The following SELENOF variants were observed in gnomAD, a reference collection of about 807,000 sequenced individuals.
The protein encoded by SELENOF is selenoprotein F.
A neutral mutation model predicts 20.5 loss-of-function variants in SELENOF; 16 were observed. The ratio of observed to expected loss-of-function variants is 0.78; its 90% CI spans 0.53 to 1.19. The LOEUF (loss-of-function observed/expected upper bound fraction) is 1.19, where lower values mean the gene tolerates loss of function less well. Ranked by LOEUF, SELENOF falls within the 50% of genes most tolerant of loss-of-function variation. SELENOF has a pLI of 0.00. For synonymous variants in SELENOF, 78 were observed against 74.5 expected (o/e 1.05, Z -0.24); for missense variants, 215 against 194.2 (o/e 1.11, Z -0.64).
chr1:86,910,798 T>A (rs1345653650), intron 1 of SELENOF, among the ~76,000 whole-genome samples: 1 of 151,422 alleles, frequency 6.6e-6, no homozygotes, highest in Non-Finnish European at 1.5e-5. Flanking sequence ...TAAGGCAGAG[T>A]CCAAGCACAT....
chr1:86,867,493 A>ACAG (rs1366121860), intron 4 of SELENOF, among the ~76,000 whole-genome samples: 1 of 140,862 alleles, frequency 7.1e-6, no homozygotes, highest in Non-Finnish European at 1.5e-5. Context: ...CTCCGTCTCA[A>ACAG]CAACAACAAC....
chr1:86,876,199 G>T (rs891427440), intron 3 of SELENOF, among the ~76,000 whole-genome samples: 25 of 151,848 alleles, frequency 1.6e-4, no homozygotes, highest in African/African-American at 5.6e-4. Context: ...GGACTATGAA[G>T]GTTATTACTG....
intron 2 of SELENOF, among the ~76,000 whole-genome samples, chr1:86,896,328 A>G (rs1659524751): frequency 6.6e-6 from 1 of 152,214 alleles, no homozygotes; most frequent in African/African-American, 2.4e-5. Context: ...AGCTGAAATC[A>G]TTATTAAGAA....
rs1490052463 is a variant in SELENOF at position 86,900,265 on chromosome 1, G to C, written c.252+3016C>G. Among the ~76,000 whole-genome samples, 22 of 152,010 alleles carry C rather than the reference G, an allele frequency of 1.4e-4. No homozygotes were observed. In the East Asian group the frequency reaches 4.3e-3, roughly 29 times the overall value. On this transcript the variant is annotated intron_variant, in intron 2 of 4. Coordinates refer to ENST00000331835, the MANE Select transcript of SELENOF (RefSeq NM_004261.5). Reference sequence around the variant, plus strand: ...TGGGAGGTGGAGGTTGTAGCGAGCCGAGATCACGCCACTGCACTCCAGCCT... The same window carrying C: ...TGGGAGGTGGAGGTTGTAGCGAGCCCAGATCACGCCACTGCACTCCAGCCT...
chr1:86,874,073 A>G (rs1340752232), intron 3 of SELENOF, among the ~76,000 whole-genome samples: 1 of 152,006 alleles, frequency 6.6e-6, no homozygotes, highest in Non-Finnish European at 1.5e-5. Flanking sequence ...GACTAAAGAA[A>G]TGGTGTCATA....
At chr1:86,892,327 T>TA (rs1659411038) in intron 2 of SELENOF, among the ~76,000 whole-genome samples, 1 of 152,232 alleles carries the variant, frequency 6.6e-6, no homozygotes, top group Non-Finnish European at 1.5e-5. Context: ...TCATATGTTT[T>TA]AAAAAACCTT....
intron 3 of SELENOF, among the ~76,000 whole-genome samples, chr1:86,877,258 T>C (rs1658947094): frequency 6.6e-6 from 1 of 152,180 alleles, no homozygotes; most frequent in African/African-American, 2.4e-5. Flanking sequence ...ATAAGGTAGA[T>C]ATTTAACCTA....
chr1:86,902,731 T>C (rs1041258044), intron 2 of SELENOF, among the ~76,000 whole-genome samples: 3 of 152,248 alleles, frequency 2.0e-5, no homozygotes, highest in African/African-American at 7.2e-5. Flanking sequence ...TTTTAAAACA[T>C]AGTAGGTTTA....
intron 3 of SELENOF, among the ~76,000 whole-genome samples, chr1:86,879,204 C>G (rs1326687159): frequency 1.3e-5 from 2 of 152,026 alleles, no homozygotes; most frequent in Non-Finnish European, 2.9e-5. Flanking sequence ...ATTGCTAAAA[C>G]TTTCTAGAAA....
chr1:86,874,130 A>AT (rs1268318403), intron 3 of SELENOF, among the ~76,000 whole-genome samples: 4,274 of 146,766 alleles, frequency 0.029, 86 homozygotes, highest in Middle Eastern at 0.053. Context: ...TTCCCTGCTA[A>AT]TTTTTTTTTT....
At position 86,872,454 on chromosome 1, in the gene SELENOF, C is replaced by T. The variant is rs578250279; in HGVS notation, c.317-4352G>A. On this transcript the variant is annotated intron_variant, in intron 3 of 4. Coordinates refer to ENST00000331835, the MANE Select transcript of SELENOF (RefSeq NM_004261.5). ...CACGATCTTGGCTCACCGCAACCTC[C>T]GCCTCTCGGGTTCAGGCGATTCTCC... 7.2e-5 allele frequency among the ~76,000 whole-genome samples: 11 copies of T among 152,256 alleles called. No individual in the cohort carries two copies. The South Asian group carries it at 1.9e-3, about 26-fold the overall frequency.
chr1:86,877,632 T>C (rs532206538), intron 3 of SELENOF, among the ~76,000 whole-genome samples: 1 of 152,212 alleles, frequency 6.6e-6, no homozygotes, highest in Non-Finnish European at 1.5e-5. Flanking sequence ...GATTTAAGAT[T>C]TTTGAATTAT....
At chr1:86,877,094 C>T (rs1401708608) in intron 3 of SELENOF, among the ~76,000 whole-genome samples, 9 of 152,070 alleles carry the variant, frequency 5.9e-5, no homozygotes, top group Admixed American at 2.0e-4. Context: ...ACAATACTTA[C>T]CATTTAACAT....
chr1:86,880,719 C>T lies in SELENOF; in HGVS notation c.259G>A (p.Ala87Thr). The change falls in exon 3 of 5, where the codon GCA (alanine) becomes ACA (threonine). Residue 87 changes from alanine to threonine, a missense_variant. By Grantham distance (58) the Ala-to-Thr change is moderately conservative. Coordinates refer to ENST00000331835, the MANE Select transcript of SELENOF (RefSeq NM_004261.5). ...CCACAAACTTCAAGAATAGCTCCTG[C>T]ATACAGCTACAAAAGGAAAAACAGG... Reference protein sequence around the residue: ...EAQFETKKLYAGAILEVCGUK... With the variant: ...EAQFETKKLYTGAILEVCGUK... 1 of 1,579,396 alleles carries T rather than the reference C, an allele frequency of 6.3e-7. No homozygotes were observed. Among genetic ancestry groups the T allele is most frequent in the African/African-American group, 1.4e-5 (1 of 74,062 alleles).
At chr1:86,880,512 T>C (rs887314139) in intron 3 of SELENOF, 150 bp downstream of exon 3, 5 of 498,462 alleles carry the variant, frequency 1.0e-5, no homozygotes, top group Admixed American at 4.0e-5. Flanking sequence ...AACAAACCAC[T>C]TCCATGAAAA....
chr1:86,871,457 CA>C (rs1658767360), intron 3 of SELENOF, among the ~76,000 whole-genome samples: 1 of 152,162 alleles, frequency 6.6e-6, no homozygotes, highest in African/African-American at 2.4e-5. Context: ...CTTACTACTT[CA>C]AAATACTCCT....
At chr1:86,875,358 A>C (rs1451561122) in intron 3 of SELENOF, among the ~76,000 whole-genome samples, 1 of 152,220 alleles carries the variant, frequency 6.6e-6, no homozygotes, top group East Asian at 1.9e-4. Flanking sequence ...GGGCAACTTA[A>C]GAGAATGTAG....
intron 1 of SELENOF, among the ~76,000 whole-genome samples, chr1:86,906,650 C>G (rs1485700352): frequency 1.3e-5 from 2 of 152,102 alleles, no homozygotes; most frequent in African/African-American, 4.8e-5. Context: ...TGGAAGGGCC[C>G]ATGTAGAGAG....
intron 3 of SELENOF, among the ~76,000 whole-genome samples, chr1:86,872,465 T>C (rs1288825815): frequency 1.3e-5 from 2 of 152,116 alleles, no homozygotes. Context: ...GCCTCTCGGG[T>C]TCAGGCGATT....
Sources: gnomAD v4.1 joint callset for allele counts (sites outside exome capture counted in the v4.1 genomes callset) on GRCh38, gnomAD v4.1.1 for gene constraint, MANE v1.5 for transcripts, NCBI Gene and HGNC (gene_info 2026-07-23, HGNC 2026-07-21) for gene names.